The following MCM9 variants were observed in gnomAD, a reference collection of about 807,000 sequenced individuals.
MCM9 encodes minichromosome maintenance 9 homologous recombination repair factor.
Under a neutral mutation model 72.8 loss-of-function variants are expected in MCM9, and 55 were observed. The observed-to-expected ratio is 0.76, with a 90% CI of 0.61 to 0.95. MCM9 has a LOEUF of 0.95. Among genes scored for constraint, MCM9 ranks in the 40% least tolerant of loss-of-function variants. MCM9 has a pLI of 0.00. For synonymous variants in MCM9, 480 were observed against 503.4 expected (o/e 0.95, Z 0.62); for missense variants, 1,279 against 1,377.0 (o/e 0.93, Z 1.13).
rs1773390627 is a variant in MCM9 at position 118,816,075 on chromosome 6, A to G, written c.2181T>C (p.Ser727=). 6.5e-7 allele frequency: 1 copy of G among 1,550,084 alleles called. No individual in the cohort carries two copies. Among genetic ancestry groups the G allele is most frequent in the East Asian group, 2.4e-5 (1 of 40,914 alleles). Residue 727 remains serine, a synonymous_variant, in exon 14 of 14, where the codon AGT becomes AGC. Coordinates refer to ENST00000619706, the MANE Select transcript of MCM9 (RefSeq NM_017696.3). ...PPHLEPNRST[S]RKHSAQHKNN... ...TTTTGTGCTGAGCTGAATGTTTCCTACTTGTTGATCTATTAGGCTCCAGAT... is the reference window on the plus strand; with the variant it reads ...TTTTGTGCTGAGCTGAATGTTTCCTGCTTGTTGATCTATTAGGCTCCAGAT...
intron 13 of MCM9, among the ~76,000 whole-genome samples, chr6:118,818,031 C>T (rs1773524374): frequency 6.6e-6 from 1 of 151,916 alleles, no homozygotes; most frequent in Non-Finnish European, 1.5e-5. Context: ...GATATTAGCC[C>T]TTTGTCAGAT....
chr6:118,900,465 C>A (rs1336785363), intron 8 of MCM9, among the ~76,000 whole-genome samples: 1 of 152,192 alleles, frequency 6.6e-6, no homozygotes, highest in Non-Finnish European at 1.5e-5. Flanking sequence ...ACTGTGCCAG[C>A]ATGCTTTATG....
At position 118,887,760 on chromosome 6, in the gene MCM9, G is replaced by T. The variant is rs137991976; in HGVS notation, c.1150+23890C>A. ...AAGACCTGTATGTAGAACACATAAG[G>T]AACTCTTACAACTCAATGATAAAAA... On this transcript the variant is annotated intron_variant, in intron 8 of 13. Coordinates refer to ENST00000619706, the MANE Select transcript of MCM9 (RefSeq NM_017696.3). Among the ~76,000 whole-genome samples the T allele has an allele frequency of 2.0e-3, 303 of 151,842 alleles. 3 individuals carry two copies. Among genetic ancestry groups the T allele is most frequent in the African/African-American group, 7.0e-3 (288 of 41,390 alleles).
At chr6:118,841,871 G>A (rs1775393436) in intron 9 of MCM9, among the ~76,000 whole-genome samples, 1 of 142,634 alleles carries the variant, frequency 7.0e-6, no homozygotes, top group South Asian at 2.2e-4. Context: ...GTCTCGCTCT[G>A]TCGCCTAGGC....
At chr6:118,825,223 T>C (rs561194117) in intron 13 of MCM9, among the ~76,000 whole-genome samples, 5 of 152,290 alleles carry the variant, frequency 3.3e-5, no homozygotes, top group African/African-American at 1.2e-4. Flanking sequence ...CTTGGCACCA[T>C]GTTCTGGATC....
chr6:118,925,151 C>T (rs1781788615), intron 3 of MCM9, among the ~76,000 whole-genome samples: 2 of 152,134 alleles, frequency 1.3e-5, no homozygotes, highest in African/African-American at 4.8e-5. Flanking sequence ...TGGAAATTCC[C>T]TTTTTCTCAT....
chr6:118,869,599 C>CAAAAAAAAAAAAGAAAAAAAAAAAAA (rs1777455095), intron 8 of MCM9, among the ~76,000 whole-genome samples: 1 of 58,298 alleles, frequency 1.7e-5, no homozygotes. Context: ...AAAGGATTTA[C>CAAAAAAAAAAAAGAAAAAAAAAAAAA]AAAAAAAAAA....
rs1773381348 is a variant in MCM9, at chr6:118,815,872, A to T, written c.2384T>A (p.Val795Glu). 2.6e-6 allele frequency: 4 copies of T among 1,541,792 alleles called. No individual in the cohort carries two copies. Among genetic ancestry groups the T allele is most frequent in the African/African-American group, 2.7e-5 (2 of 72,968 alleles). The change falls in exon 14 of 14, where the codon GTG becomes GAG. Residue 795 changes from valine to glutamate, a missense_variant. Val to Glu is a moderately radical substitution (Grantham distance 121, BLOSUM62 -2). Coordinates refer to ENST00000619706, the MANE Select transcript of MCM9 (RefSeq NM_017696.3). ...EKSEPGQRSK[V>E]DIGLLPSPGE... ...TGGTGATGGAAGCAACCCAATGTCC[A>T]CTTTGCTCCTTTGGCCTGGCTCACT...
At position 118,896,632 on chromosome 6, in the gene MCM9, A is replaced by G. The variant is rs138552192; in HGVS notation, c.1150+15018T>C. Among the ~76,000 whole-genome samples the G allele has an allele frequency of 4.0e-3, 611 of 152,302 alleles. 6 individuals are homozygous for G. The highest frequency in any genetic ancestry group is 0.014 in the African/African-American group (563 of 41,566). On this transcript the variant is annotated intron_variant, in intron 8 of 13. Coordinates refer to ENST00000619706, the MANE Select transcript of MCM9 (RefSeq NM_017696.3). ...CACTTCCTAGGCACCATTACTGAGC[A>G]TTTATTTAGTATTTTAAAAAATATT...
At chr6:118,873,100 A>G (rs1334402835) in intron 8 of MCM9, among the ~76,000 whole-genome samples, 1 of 149,610 alleles carries the variant, frequency 6.7e-6, no homozygotes, top group Non-Finnish European at 1.5e-5. Context: ...TGGGCCTGAG[A>G]GGTGCAGACT....
intron 9 of MCM9, among the ~76,000 whole-genome samples, chr6:118,843,540 C>T (rs1583405348): frequency 6.7e-6 from 1 of 149,644 alleles, no homozygotes; most frequent in Non-Finnish European, 1.5e-5. Context: ...AGACAGGAGA[C>T]TTGCTTGAAC....
At chr6:118,910,399 C>T (rs1780460838) in intron 8 of MCM9, among the ~76,000 whole-genome samples, 1 of 152,078 alleles carries the variant, frequency 6.6e-6, no homozygotes, top group African/African-American at 2.4e-5. Context: ...CTTGTTCTCT[C>T]ATATTTGGAT....
chr6:118,829,311 G>A, intron 9 of MCM9, 61 bp from the exon 10 acceptor site: 1 of 1,441,466 alleles, frequency 6.9e-7, no homozygotes, highest in Non-Finnish European at 9.3e-7. Context: ...CAAGATTACA[G>A]CTGTTAATAA....
chr6:118,856,947 G>A (rs977906127), intron 8 of MCM9, among the ~76,000 whole-genome samples: 2 of 152,144 alleles, frequency 1.3e-5, no homozygotes, highest in African/African-American at 4.8e-5. Flanking sequence ...AAAGAGAAGG[G>A]CATAAAGACT....
chr6:118,894,760 G>A (rs992544459), intron 8 of MCM9, among the ~76,000 whole-genome samples: 5 of 152,046 alleles, frequency 3.3e-5, no homozygotes, highest in African/African-American at 9.7e-5. Flanking sequence ...GAGGAGCGGA[G>A]GTAGCCATGT....
chr6:118,900,406 T>C (rs558683291), intron 8 of MCM9, among the ~76,000 whole-genome samples: 13 of 152,348 alleles, frequency 8.5e-5, no homozygotes, highest in African/African-American at 2.9e-4. Flanking sequence ...TGGGAAGTGC[T>C]GGATTAATGT....
intron 9 of MCM9, among the ~76,000 whole-genome samples, chr6:118,841,991 C>T (rs961800721): frequency 5.9e-5 from 9 of 152,142 alleles, no homozygotes; most frequent in African/African-American, 1.4e-4. Flanking sequence ...CATGCCACCA[C>T]GCCCAGGTAC....
chr6:118,855,736 G>A (rs1776512781), intron 9 of MCM9, among the ~76,000 whole-genome samples: 1 of 152,056 alleles, frequency 6.6e-6, no homozygotes, highest in African/African-American at 2.4e-5. Context: ...GAATGACCTG[G>A]CAGCCTGTTT....
chr6:118,815,900 TCTC>T lies in MCM9; in HGVS notation c.2353_2355del (p.Glu785del). 3 of 1,545,372 alleles carry T rather than the reference TCTC, an allele frequency of 1.9e-6. No individual in the cohort carries two copies. The highest frequency in any genetic ancestry group is 2.6e-6 in the Non-Finnish European group (3 of 1,146,898). ...TTGCTCCTTTGGCCTGGCTCACTCT[TCTC>T]CTTACCCTGAGATGTGCTGTTAGAG... On this transcript the variant is annotated inframe_deletion, in exon 14 of 14. Coordinates refer to ENST00000619706, the MANE Select transcript of MCM9 (RefSeq NM_017696.3).
Sources: allele counts gnomAD v4.1 joint callset (sites outside exome capture counted in the v4.1 genomes callset), GRCh38; gene constraint gnomAD v4.1.1; transcripts MANE v1.5; gene names NCBI Gene and HGNC (gene_info 2026-07-23, HGNC 2026-07-21).